The following NRXN3 variants were observed in gnomAD, a reference collection of about 807,000 sequenced individuals.
NRXN3 encodes the protein neurexin III.
In NRXN3, 32 loss-of-function variants were observed where a neutral mutation model predicts 137.6. The observed-to-expected ratio is 0.23, with a 90% CI of 0.18 to 0.31. The LOEUF (loss-of-function observed/expected upper bound fraction) is 0.31, where lower values mean the gene tolerates loss of function less well. Ranked by LOEUF, NRXN3 falls within the 10% of genes least tolerant of loss-of-function variation. The pLI is 1.00. For missense variants in NRXN3, 1,574 were observed against 2,062.5 expected, an observed-to-expected ratio of 0.76 and a Z score of 4.59; for synonymous variants, 798 against 784.5, an observed-to-expected ratio of 1.02 and a Z score of -0.29.
chr14:78,443,430 T>G (rs1376549624), intron 4 of NRXN3, among the ~76,000 whole-genome samples: 2 of 152,214 alleles, frequency 1.3e-5, no homozygotes, highest in African/African-American at 4.8e-5. Flanking sequence ...ATCTGCCACC[T>G]GATCATCTAA....
chr14:79,495,464 A>T (rs540442366), intron 16 of NRXN3, among the ~76,000 whole-genome samples: 1 of 152,048 alleles, frequency 6.6e-6, no homozygotes, highest in Non-Finnish European at 1.5e-5. Flanking sequence ...ATCTCTATCA[A>T]TCCAGAATCC....
intron 15 of NRXN3, among the ~76,000 whole-genome samples, chr14:79,080,530 C>A (rs1293274206): frequency 6.6e-6 from 1 of 152,116 alleles, no homozygotes; most frequent in Non-Finnish European, 1.5e-5. Context: ...GGATATATAC[C>A]ACTTTCTCAC....
chr14:79,346,381 G>C lies in NRXN3; in HGVS notation c.3263-120840G>C, dbSNP rs538806407. Among the ~76,000 whole-genome samples, 3 of 152,212 alleles carry C rather than the reference G, an allele frequency of 2.0e-5. No individual in the cohort carries two copies. The South Asian group carries it at 6.2e-4, about 32-fold the overall frequency. On this transcript the variant is annotated intron_variant, in intron 15 of 20. Transcript: ENST00000335750. ...GGTTGCAGTGAGCAGAGATCATGCT[G>C]TTGCACTCCAGCCTGGGTAACAAGA...
chr14:78,346,462 A>G (rs1351450208), intron 4 of NRXN3, among the ~76,000 whole-genome samples: 2 of 152,136 alleles, frequency 1.3e-5, no homozygotes, highest in Non-Finnish European at 2.9e-5. Flanking sequence ...AGTCAGCTTC[A>G]TTGACTCCTT....
rs529149695 is a variant in NRXN3 at position 79,549,975 on chromosome 14, T to G, written c.3444+82573T>G. Among the ~76,000 whole-genome samples, 27 of 80,122 alleles carry G rather than the reference T, an allele frequency of 3.4e-4. 1 individual carries two copies. In the South Asian group the frequency reaches 0.011, roughly 33 times the overall value. 52.6% of individuals were successfully genotyped at this position (80,122 alleles called of 152,430 possible). A position where few individuals can be genotyped will look rare whatever the true frequency, so the allele number is the denominator to read the frequency against. On this transcript the variant is annotated intron_variant, in intron 16 of 20. Coordinates refer to ENST00000335750, the MANE Select transcript of NRXN3 (RefSeq NM_001330195.2). ...ATATTGTTGGGTGTTTGTTTGTTTG[T>G]TAGTTTGTTTGTTTGACAGAGGTCT...
chr14:79,374,694 C>G (rs890871644), intron 15 of NRXN3, among the ~76,000 whole-genome samples: 2 of 152,060 alleles, frequency 1.3e-5, no homozygotes, highest in African/African-American at 4.8e-5. Flanking sequence ...CTAAAACTCA[C>G]CCATGACTTG....
At chr14:78,546,007 C>A (rs2096633458) in intron 4 of NRXN3, among the ~76,000 whole-genome samples, 1 of 152,112 alleles carries the variant, frequency 6.6e-6, no homozygotes, top group African/African-American at 2.4e-5. Context: ...TTCCATCTTA[C>A]TTTTTTCTAC....
At chr14:78,453,416 C>T (rs1019618846) in intron 4 of NRXN3, among the ~76,000 whole-genome samples, 5 of 152,140 alleles carry the variant, frequency 3.3e-5, no homozygotes, top group South Asian at 2.1e-4. Flanking sequence ...TTGCTAAAGC[C>T]CAGGTCTACT....
chr14:79,464,600 A>T (rs2096397634), intron 15 of NRXN3, among the ~76,000 whole-genome samples: 1 of 152,214 alleles, frequency 6.6e-6, no homozygotes, highest in African/African-American at 2.4e-5. Context: ...TTTTGAAAAC[A>T]TGCCAAATTT....
intron 10 of NRXN3, among the ~76,000 whole-genome samples, chr14:78,828,908 G>A (rs2098974317): frequency 6.6e-6 from 1 of 152,146 alleles, no homozygotes; most frequent in Non-Finnish European, 1.5e-5. Context: ...CTGGATGTGG[G>A]AGGAAGTATA....
At chr14:78,225,387 A>G (rs891901253) in intron 1 of NRXN3, among the ~76,000 whole-genome samples, 2 of 152,162 alleles carry the variant, frequency 1.3e-5, no homozygotes, top group African/African-American at 4.8e-5. Flanking sequence ...TTTTGGCTGC[A>G]TAAATGTCTT....
chr14:79,630,731 C>T (rs937346142), intron 16 of NRXN3, among the ~76,000 whole-genome samples: 15 of 152,120 alleles, frequency 9.9e-5, no homozygotes, highest in East Asian at 1.9e-4. Flanking sequence ...GGCCATTTTG[C>T]GTGAAAATAG....
At chr14:78,505,795 A>G (rs1051567862) in intron 4 of NRXN3, among the ~76,000 whole-genome samples, 7 of 123,736 alleles carry the variant, frequency 5.7e-5, no homozygotes, top group Non-Finnish European at 1.2e-4. Flanking sequence ...TTGAAAATCT[A>G]TATTTTTTGA....
chr14:79,064,748 T>A (rs1371183512), intron 15 of NRXN3, among the ~76,000 whole-genome samples: 1 of 147,652 alleles, frequency 6.8e-6, no homozygotes, highest in Non-Finnish European at 1.5e-5. Flanking sequence ...TGTATATATA[T>A]ATATAATTAC....
intron 15 of NRXN3, among the ~76,000 whole-genome samples, chr14:79,282,244 G>A (rs1219345565): frequency 6.6e-6 from 1 of 152,150 alleles, no homozygotes; most frequent in Non-Finnish European, 1.5e-5. Context: ...AAAAAAGAGG[G>A]AGTGGGAGAT....
Position 78,861,330 on chromosome 14 carries a change from A to G in NRXN3, c.2275+50986A>G, listed in dbSNP as rs1247620062. Among the ~76,000 whole-genome samples the G allele has an allele frequency of 3.3e-5, 5 of 152,264 alleles. No individual in the cohort carries two copies. In the South Asian group the frequency reaches 8.3e-4, roughly 25 times the overall value. ...TTTGTATCTGTCTACTCTTTCTATT[A>G]TCTATATATACCAATAAACATTGAC... is the stretch of plus-strand genomic sequence containing the variant. On this transcript the variant is annotated intron_variant, in intron 10 of 20. Transcript: ENST00000335750.
intron 10 of NRXN3, among the ~76,000 whole-genome samples, chr14:78,896,628 TAGG>T (rs898092246): frequency 2.0e-5 from 3 of 151,780 alleles, no homozygotes; most frequent in Non-Finnish European, 4.4e-5. Context: ...CAGAGGGTAA[TAGG>T]AGCTTTTATA....
At chr14:78,276,011 G>C (rs1157003564) in intron 2 of NRXN3, among the ~76,000 whole-genome samples, 1 of 152,200 alleles carries the variant, frequency 6.6e-6, no homozygotes, top group Admixed American at 6.5e-5. Flanking sequence ...CCAGGGGCCA[G>C]GTGATAATGT....
intron 8 of NRXN3, among the ~76,000 whole-genome samples, chr14:78,800,607 T>C (rs1406649242): frequency 6.6e-6 from 1 of 152,238 alleles, no homozygotes; most frequent in East Asian, 1.9e-4. Flanking sequence ...GCTGTTAGCA[T>C]GTCATGAGTT....
Sources: allele counts gnomAD v4.1 joint callset (sites outside exome capture counted in the v4.1 genomes callset), GRCh38; gene constraint gnomAD v4.1.1; transcripts MANE v1.5; gene names NCBI Gene and HGNC (gene_info 2026-07-23, HGNC 2026-07-21).